The following NRG1 variants were observed in gnomAD, a reference collection of about 807,000 sequenced individuals.
The protein encoded by NRG1 is pro-neuregulin-1, membrane-bound isoform.
In NRG1, 18 loss-of-function variants were observed where a neutral mutation model predicts 63.8. That is an observed-to-expected ratio of 0.28 (90% CI 0.19 to 0.42). NRG1 has a LOEUF of 0.42. Among genes scored for constraint, NRG1 ranks in the 10% least tolerant of loss-of-function variants. NRG1 has a pLI of 1.00. For synonymous variants in NRG1, 302 were observed against 301.3 expected, an observed-to-expected ratio of 1.00 and a Z score of -0.02; for missense variants, 762 against 814.7, an observed-to-expected ratio of 0.94 and a Z score of 0.79.
intron 1 of NRG1, among the ~76,000 whole-genome samples, chr8:32,116,734 T>A (rs1563805313): frequency 6.6e-6 from 1 of 152,036 alleles, no homozygotes; most frequent in Admixed American, 6.6e-5. Flanking sequence ...ATTAATATGA[T>A]AGGAGAGAAA....
chr8:31,862,696 T>G (rs375680926), intron 1 of NRG1, among the ~76,000 whole-genome samples: 1 of 152,202 alleles, frequency 6.6e-6, no homozygotes, highest in African/African-American at 2.4e-5. Context: ...AGTAGCTAAA[T>G]ATGCTAAGAG....
intron 1 of NRG1, among the ~76,000 whole-genome samples, chr8:32,524,314 G>A (rs1368565013): frequency 1.3e-5 from 2 of 151,900 alleles, no homozygotes; most frequent in Non-Finnish European, 2.9e-5. Context: ...ATCCTCCCTA[G>A]TTGCTAAGCA....
intron 1 of NRG1, among the ~76,000 whole-genome samples, chr8:32,385,255 T>C (rs1810860717): frequency 6.6e-6 from 1 of 152,116 alleles, no homozygotes; most frequent in Non-Finnish European, 1.5e-5. Flanking sequence ...CTCGGTCTCC[T>C]GACTCGTGAT....
chr8:32,178,727 G>A (rs1280375252), intron 1 of NRG1, among the ~76,000 whole-genome samples: 1 of 152,138 alleles, frequency 6.6e-6, no homozygotes, highest in Non-Finnish European at 1.5e-5. Context: ...ATTCTATGTG[G>A]TGGTGGCATT....
intron 1 of NRG1, among the ~76,000 whole-genome samples, chr8:32,009,394 C>T (rs770625884): frequency 2.0e-5 from 3 of 152,008 alleles, no homozygotes; most frequent in Admixed American, 2.0e-4. Context: ...TGAGTGTGTA[C>T]TCTATGTCAG....
At chr8:32,218,424 C>A (rs891475233) in intron 1 of NRG1, among the ~76,000 whole-genome samples, 1 of 152,158 alleles carries the variant, frequency 6.6e-6, no homozygotes, top group Admixed American at 6.5e-5. Flanking sequence ...TGCTCTGAAC[C>A]TCTTCTGGTT....
chr8:32,120,823 AGG>A (rs1474804858), intron 1 of NRG1, among the ~76,000 whole-genome samples: 1 of 152,122 alleles, frequency 6.6e-6, no homozygotes, highest in African/African-American at 2.4e-5. Flanking sequence ...AATTTTGTTG[AGG>A]GATAGAAATG....
intron 1 of NRG1, among the ~76,000 whole-genome samples, chr8:32,205,595 T>C (rs1843968572): frequency 6.6e-6 from 1 of 152,156 alleles, no homozygotes; most frequent in South Asian, 2.1e-4. Context: ...AAAAGACTAA[T>C]TTTATGCATT....
chr8:31,737,098 T>C (rs962326228), intron 1 of NRG1, among the ~76,000 whole-genome samples: 4 of 152,138 alleles, frequency 2.6e-5, no homozygotes, highest in Non-Finnish European at 5.9e-5. Context: ...GATATCAAAC[T>C]TATTAGAGTT....
At chr8:32,739,535 A>G (rs1334600790) in intron 6 of NRG1, among the ~76,000 whole-genome samples, 1 of 152,178 alleles carries the variant, frequency 6.6e-6, no homozygotes, top group Non-Finnish European at 1.5e-5. Flanking sequence ...TGATTTTATG[A>G]TAGAGATAAG....
intron 1 of NRG1, among the ~76,000 whole-genome samples, chr8:31,785,433 G>A (rs1290259838): frequency 1.3e-5 from 2 of 152,142 alleles, no homozygotes; most frequent in Non-Finnish European, 2.9e-5. Context: ...TAAAGAGCAG[G>A]CAGAGTTCAG....
chr8:32,770,845 T>C (rs1008934383), downstream of NRG1, among the ~76,000 whole-genome samples: 6 of 152,274 alleles, frequency 3.9e-5, 1 homozygote, highest in South Asian at 1.2e-3. Context: ...AGCCTGAAAG[T>C]GTCTAACACA....
chr8:32,540,415 C>G (rs7820676), intron 1 of NRG1, among the ~76,000 whole-genome samples: 18,114 of 152,216 alleles, frequency 0.12, 1,315 homozygotes, highest in Admixed American at 0.24. Flanking sequence ...CCATGTCATT[C>G]TGTCAGACTA....
At chr8:32,070,661 C>A (rs969315291) in intron 1 of NRG1, among the ~76,000 whole-genome samples, 1 of 152,168 alleles carries the variant, frequency 6.6e-6, no homozygotes, top group African/African-American at 2.4e-5. Flanking sequence ...CTCTCTGTTC[C>A]CATCTGTATC....
At chr8:31,789,488 G>T (rs535706188) in intron 1 of NRG1, among the ~76,000 whole-genome samples, 1 of 152,246 alleles carries the variant, frequency 6.6e-6, no homozygotes, top group African/African-American at 2.4e-5. Context: ...TTATATAACT[G>T]CCCAGGAGAG....
exon 12 of NRG1, chr8:32,764,819 G>C (rs908699290): frequency 6.3e-6 from 1 of 157,520 alleles, no homozygotes; most frequent in Non-Finnish European, 1.4e-5. Flanking sequence ...AGTATGTCTT[G>C]TAATGGCACA....
rs535823363 is a variant in NRG1, at chr8:32,004,374, G to A, written c.37+364943G>A. Among the ~76,000 whole-genome samples the A allele has an allele frequency of 7.0e-4, 106 of 151,808 alleles. 1 individual carries two copies. Among genetic ancestry groups the A allele is most frequent in the African/African-American group, 2.3e-3 (96 of 41,438 alleles). ...AAAACTCATAAAAGTGCACAACACC[G>A]AGAGTGAAATCTAATGTAAACTATG... On this transcript the variant is annotated intron_variant, in intron 1 of 10. Coordinates refer to the NRG1 transcript ENST00000519301.
At chr8:32,675,715 T>C (rs759918935) in intron 5 of NRG1, among the ~76,000 whole-genome samples, 1 of 152,188 alleles carries the variant, frequency 6.6e-6, no homozygotes, top group Non-Finnish European at 1.5e-5. Context: ...TGCACGTATA[T>C]GGGTGACCAG....
intron 1 of NRG1, among the ~76,000 whole-genome samples, chr8:31,954,113 A>G (rs577129603): frequency 1.5e-4 from 23 of 152,308 alleles, no homozygotes; most frequent in African/African-American, 5.5e-4. Flanking sequence ...TTTGACAGAC[A>G]TCCTTCTTTT....
Sources: allele counts gnomAD v4.1 joint callset (sites outside exome capture counted in the v4.1 genomes callset), GRCh38; gene constraint gnomAD v4.1.1; transcripts MANE v1.5; gene names NCBI Gene and HGNC (gene_info 2026-07-23, HGNC 2026-07-21).